The following PIK3CD variants were observed in gnomAD, a reference collection of about 807,000 sequenced individuals.
The protein encoded by PIK3CD is phosphatidylinositol 4,5-bisphosphate 3-kinase catalytic subunit delta isoform.
Under a neutral mutation model 122.9 loss-of-function variants are expected in PIK3CD, and 20 were observed. That is an observed-to-expected ratio of 0.16 (90% CI 0.11 to 0.24). The LOEUF (loss-of-function observed/expected upper bound fraction) is 0.24, where lower values mean the gene tolerates loss of function less well. Among genes scored for constraint, PIK3CD ranks in the 10% least tolerant of loss-of-function variants. PIK3CD has a pLI of 1.00. For synonymous variants in PIK3CD, 596 were observed against 593.4 expected, an observed-to-expected ratio of 1.00 and a Z score of -0.06; for missense variants, 787 against 1,406.3, an observed-to-expected ratio of 0.56 and a Z score of 7.04.
the PIK3CD span, among the ~76,000 whole-genome samples, chr1:9,633,497 C>T: frequency 3.9e-5 from 6 of 151,984 alleles, no homozygotes; most frequent in Admixed American, 1.3e-4. Context: ...TTAGTAGAGA[C>T]GGGGTTTCAC....
At chr1:9,634,215 A>G in the PIK3CD span, among the ~76,000 whole-genome samples, 1 of 145,366 alleles carries the variant, frequency 6.9e-6, no homozygotes, top group Non-Finnish European at 1.5e-5. Context: ...GTGCAGTGAC[A>G]TGATCTCAGC....
chr1:9,713,648 T>G (rs906586937), intron 3 of PIK3CD, among the ~76,000 whole-genome samples: 1 of 152,082 alleles, frequency 6.6e-6, no homozygotes, highest in Non-Finnish European at 1.5e-5. Context: ...TGGAATGCAG[T>G]GGCATAATCC....
chr1:9,702,440 C>T (rs1313215738), intron 2 of PIK3CD, among the ~76,000 whole-genome samples: 2 of 144,300 alleles, frequency 1.4e-5, no homozygotes. Flanking sequence ...CTCTAGATGG[C>T]AGCACAGAGA....
At chr1:9,637,097 C>T in the PIK3CD span, among the ~76,000 whole-genome samples, 1 of 152,180 alleles carries the variant, frequency 6.6e-6, no homozygotes, top group Non-Finnish European at 1.5e-5. Context: ...TGGGGTTTCA[C>T]TGTGTTAGCC....
intron 2 of PIK3CD, 107 bp downstream of exon 2, chr1:9,691,678 A>T (rs996787110): frequency 5.1e-6 from 2 of 394,330 alleles, no homozygotes; most frequent in African/African-American, 4.1e-5. Flanking sequence ...TCTCCAGCCA[A>T]AGGAAGACTT....
In PIK3CD at chr1:9,653,749, C is replaced by G. The variant is rs770708454; in HGVS notation, c.-138+1947C>G. 173 of 1,293,604 alleles carry G rather than the reference C, an allele frequency of 1.3e-4. 10 individuals are homozygous for G. In the South Asian group the frequency reaches 2.0e-3, roughly 15 times the overall value. The allele number at this position is 1,293,604 out of a possible 1,614,324, so 80.1% of individuals were successfully genotyped here. ...CTCTCTCTAGAGCAGAAATGCCAAC[C>G]CCTTAGCATTTCCATGGCCTGCTGG... On this transcript the variant is annotated intron_variant, in intron 1 of 23. Transcript: ENST00000377346.
chr1:9,715,541 C>T lies in PIK3CD; in HGVS notation c.142C>T (p.Leu48=). The T allele has an allele frequency of 1.9e-6, 3 of 1,613,112 alleles. No homozygotes were observed. The South Asian group carries it at 3.3e-5, about 18-fold the overall frequency. ...GGCTGACCGGTGACTGTCCCTCCAG[C>T]TGCTGTGGCACCGCGCCCAGTATGA... ...RNANLSTIKQ[L]LWHRAQYEPL... Residue 48 remains leucine, a splice_region_variant and synonymous_variant, in exon 4 of 24, where the codon CTG becomes TTG. Transcript: ENST00000377346. The surrounding 1 kb of genome is among the most constrained non-coding windows in gnomAD (Gnocchi z 4.1).
chr1:9,723,143 C>T lies in PIK3CD; in HGVS notation c.2445C>T (p.Cys815=). Residue 815 remains cysteine (C), a synonymous_variant, in exon 20 of 24, where the codon TGC becomes TGT. Coordinates refer to ENST00000377346, the MANE Select transcript of PIK3CD (RefSeq NM_005026.5). This position sits in a 1 kb window ranked among gnomAD's most constrained non-coding sequence, Gnocchi z 4.9. ...TGCCTAGGATGACCCCCTATGGCTG[C>T]CTCCCCACCGGGGACCGCACAGGCC... ...GLDLRMTPYG[C]LPTGDRTGLI... 1 of 1,613,668 alleles carries T rather than the reference C, an allele frequency of 6.2e-7. No individual in the cohort carries two copies. Among genetic ancestry groups the T allele is most frequent in the Non-Finnish European group, 8.5e-7 (1 of 1,180,006 alleles).
the PIK3CD span, among the ~76,000 whole-genome samples, chr1:9,639,678 C>G: frequency 6.6e-6 from 1 of 152,180 alleles, no homozygotes; most frequent in Non-Finnish European, 1.5e-5. Flanking sequence ...TTCTGGGGCT[C>G]TGCCTCTGCC....
chr1:9,686,172 C>T, intron 1 of PIK3CD, among the ~76,000 whole-genome samples: 1 of 152,142 alleles, frequency 6.6e-6, no homozygotes, highest in African/African-American at 2.4e-5. Context: ...AGCAGAGGCT[C>T]ATTTGGTTTC....
At chr1:9,669,320 G>A (rs941737112) in intron 1 of PIK3CD, among the ~76,000 whole-genome samples, 7 of 151,980 alleles carry the variant, frequency 4.6e-5, no homozygotes, top group African/African-American at 1.7e-4. Context: ...CACCACACCC[G>A]GGTAATTTTT....
At chr1:9,726,408 C>T (rs551943193) in intron 23 of PIK3CD, among the ~76,000 whole-genome samples, 1 of 152,284 alleles carries the variant, frequency 6.6e-6, no homozygotes, top group Admixed American at 6.5e-5. Context: ...ACTTGGGAGG[C>T]TGAGGCAGAA....
Position 9,726,898 on chromosome 1 carries a change from T to C in PIK3CD, c.2998-11T>C, listed in dbSNP as rs1557680190. 6.2e-7 allele frequency: 1 copy of C among 1,613,734 alleles called. No individual in the cohort carries two copies. Among genetic ancestry groups the C allele is most frequent in the Non-Finnish European group, 8.5e-7 (1 of 1,179,832 alleles). On this transcript the variant is annotated splice_polypyrimidine_tract_variant and intron_variant, in intron 23 of 23. Coordinates refer to ENST00000377346, the MANE Select transcript of PIK3CD (RefSeq NM_005026.5). The stretch of plus-strand genomic sequence containing the variant: ...CCCCTTAACGTGGACACCGCTGTGA[T>C]TTGTTTGCAGGACTCCCTGGCACTG...
At chr1:9,639,215 C>G in the PIK3CD span, among the ~76,000 whole-genome samples, 2 of 152,136 alleles carry the variant, frequency 1.3e-5, no homozygotes, top group Non-Finnish European at 2.9e-5. Flanking sequence ...AAGTAACCAT[C>G]TCTATTCCTT....
At chr1:9,666,333 C>A (rs1475203175) in intron 1 of PIK3CD, among the ~76,000 whole-genome samples, 1 of 147,728 alleles carries the variant, frequency 6.8e-6, no homozygotes, top group Non-Finnish European at 1.5e-5. Flanking sequence ...CTCTGCCCCC[C>A]CAGGTTCAAG....
chr1:9,644,559 G>C, the PIK3CD span, among the ~76,000 whole-genome samples: 1 of 141,960 alleles, frequency 7.0e-6, no homozygotes, highest in African/African-American at 2.6e-5. Flanking sequence ...AAATAAATAT[G>C]TAACCTTCAA....
At chr1:9,669,363 G>C (rs1645254673) in intron 1 of PIK3CD, among the ~76,000 whole-genome samples, 1 of 152,006 alleles carries the variant, frequency 6.6e-6, no homozygotes, top group Non-Finnish European at 1.5e-5. Flanking sequence ...GTCTCCTTTT[G>C]TTGCCCAGGC....
intron 1 of PIK3CD, among the ~76,000 whole-genome samples, chr1:9,655,792 G>A (rs1644838753): frequency 6.6e-6 from 1 of 150,630 alleles, no homozygotes; most frequent in African/African-American, 2.4e-5. Context: ...CTGCCTCCAG[G>A]TTCAAGCGAT....
the PIK3CD span, among the ~76,000 whole-genome samples, chr1:9,632,076 G>A: frequency 2.7e-4 from 41 of 151,130 alleles, no homozygotes; most frequent in African/African-American, 9.7e-4. Flanking sequence ...GCAATGGTGC[G>A]ATCTCAGCTC....
Sources: gnomAD v4.1 joint callset for allele counts (sites outside exome capture counted in the v4.1 genomes callset) on GRCh38, gnomAD v4.1.1 for gene constraint, Gnocchi (gnomAD v3.1) non-coding constraint, MANE v1.5 for transcripts, NCBI Gene and HGNC (gene_info 2026-07-23, HGNC 2026-07-21) for gene names.